Variants in RAB6B observed in about 807,000 individuals in gnomAD.
The protein encoded by RAB6B is RAB6B, member RAS oncogene family.
Under a neutral mutation model 31.2 loss-of-function variants are expected in RAB6B, and 7 were observed. That is an observed-to-expected ratio of 0.22 (90% CI 0.13 to 0.42). The LOEUF is 0.42. Ranked by LOEUF, RAB6B falls within the 10% of genes least tolerant of loss-of-function variation. The pLI is 1.00. For missense variants in RAB6B, 149 were observed against 280.6 expected, an observed-to-expected ratio of 0.53 and a Z score of 3.35; for synonymous variants, 105 against 104.9, an observed-to-expected ratio of 1.00 and a Z score of -0.01.
intron 1 of RAB6B, among the ~76,000 whole-genome samples, chr3:133,867,061 A>C (rs1936247965): frequency 6.6e-6 from 1 of 152,216 alleles, no homozygotes; most frequent in African/African-American, 2.4e-5. Flanking sequence ...GGAGTAGCTG[A>C]AAACTTGGAA....
chr3:133,838,594 G>C (rs1935776821), intron 5 of RAB6B, among the ~76,000 whole-genome samples: 1 of 152,190 alleles, frequency 6.6e-6, no homozygotes, highest in African/African-American at 2.4e-5. Flanking sequence ...ATTCAAGCCA[G>C]GCAGTGCCAC....
At chr3:133,875,042 A>T (rs1477224163) in intron 1 of RAB6B, among the ~76,000 whole-genome samples, 1 of 152,124 alleles carries the variant, frequency 6.6e-6, no homozygotes, top group Non-Finnish European at 1.5e-5. Flanking sequence ...TTCCCTTTTT[A>T]AAAAAAGTGA....
chr3:133,840,353 A>T (rs899195100), intron 4 of RAB6B, among the ~76,000 whole-genome samples: 2 of 152,104 alleles, frequency 1.3e-5, no homozygotes, highest in Non-Finnish European at 2.9e-5. Context: ...ACCCAAGGGG[A>T]GGGGAGGTAG....
chr3:133,868,985 G>A (rs1936279778), intron 1 of RAB6B, among the ~76,000 whole-genome samples: 1 of 152,172 alleles, frequency 6.6e-6, no homozygotes, highest in Non-Finnish European at 1.5e-5. Flanking sequence ...CTGCTGTGCT[G>A]GTTTATGTAA....
chr3:133,876,477 T>C (rs1292312236), intron 1 of RAB6B, among the ~76,000 whole-genome samples: 1 of 152,024 alleles, frequency 6.6e-6, no homozygotes, highest in Non-Finnish European at 1.5e-5. Flanking sequence ...CAACTACAAA[T>C]GCTGAGAGAG....
chr3:133,872,235 G>A (rs184521644), intron 1 of RAB6B, among the ~76,000 whole-genome samples: 20 of 152,362 alleles, frequency 1.3e-4, no homozygotes, highest in East Asian at 1.2e-3. Flanking sequence ...GCAGAGACCC[G>A]CTGACTCAGC....
intron 1 of RAB6B, among the ~76,000 whole-genome samples, chr3:133,883,517 C>T (rs909888904): frequency 3.9e-5 from 6 of 152,180 alleles, no homozygotes; most frequent in African/African-American, 1.4e-4. Flanking sequence ...GCCAACAAGC[C>T]CCCATCTGTG....
chr3:133,862,195 G>T (rs1936169916), intron 2 of RAB6B, among the ~76,000 whole-genome samples: 1 of 151,690 alleles, frequency 6.6e-6, no homozygotes, highest in Non-Finnish European at 1.5e-5. Flanking sequence ...CTCTCCTCTT[G>T]TCACCACACT....
chr3:133,833,775 C>A (rs1935691007), intron 7 of RAB6B, among the ~76,000 whole-genome samples: 1 of 152,152 alleles, frequency 6.6e-6, no homozygotes, highest in African/African-American at 2.4e-5. Flanking sequence ...AGCCAGGGAT[C>A]TGCATGCTTG....
At chr3:133,864,861 C>T in intron 1 of RAB6B, among the ~76,000 whole-genome samples, 1 of 152,230 alleles carries the variant, frequency 6.6e-6, no homozygotes, top group Non-Finnish European at 1.5e-5. Flanking sequence ...TGCCAGGCAC[C>T]AGGGTGCTGC....
chr3:133,885,042 A>G lies in RAB6B; in HGVS notation c.70+10355T>C, dbSNP rs553040412. On this transcript the variant is annotated intron_variant, in intron 1 of 7. Coordinates refer to ENST00000285208, the MANE Select transcript of RAB6B (RefSeq NM_016577.4). Reference sequence around the variant, plus strand: ...TAACCAGAGGATGGGGGGCTCACACACCAATGATCAGAGAATGGGGAACTC... The same window carrying G: ...TAACCAGAGGATGGGGGGCTCACACGCCAATGATCAGAGAATGGGGAACTC... 1.8e-3 allele frequency among the ~76,000 whole-genome samples: 272 copies of G among 149,186 alleles called. 1 individual carries two copies. Among genetic ancestry groups the G allele is most frequent in the African/African-American group, 6.4e-3 (259 of 40,206 alleles).
At chr3:133,869,704 C>G (rs1348936108) in intron 1 of RAB6B, among the ~76,000 whole-genome samples, 1 of 152,166 alleles carries the variant, frequency 6.6e-6, no homozygotes, top group Non-Finnish European at 1.5e-5. Flanking sequence ...ACAGCTTCTG[C>G]CTGGAGTGTG....
chr3:133,891,403 A>G (rs945715057), intron 1 of RAB6B, among the ~76,000 whole-genome samples: 2 of 152,182 alleles, frequency 1.3e-5, no homozygotes, highest in Middle Eastern at 3.2e-3. Flanking sequence ...ACACAGCCCA[A>G]AGATGAAGTA....
rs568386070 is a variant in RAB6B, at chr3:133,839,274, G to A, written c.401+232C>T. 2.5e-3 allele frequency among the ~76,000 whole-genome samples: 374 copies of A among 152,340 alleles called. 1 individual carries two copies. The highest frequency in any genetic ancestry group is 8.8e-3 in the African/African-American group (364 of 41,576). ...ACAGTGCTCTGTGTAGACAGCAAAC[G>A]GAGAAGTGCCCCGCCCCTGCCTGGT... On this transcript the variant is annotated intron_variant, in intron 5 of 7. Coordinates refer to ENST00000285208, the MANE Select transcript of RAB6B (RefSeq NM_016577.4).
At position 133,827,956 on chromosome 3, in the gene RAB6B, G is replaced by GC; in HGVS notation, c.*831dup. 1 of 702,914 alleles carries GC rather than the reference G, an allele frequency of 1.4e-6. No individual in the cohort carries two copies. The highest frequency in any genetic ancestry group is 2.6e-6 in the Non-Finnish European group (1 of 384,984). 43.5% of individuals were successfully genotyped at this position (702,914 alleles called of 1,614,324 possible). The stretch of plus-strand genomic sequence containing the variant: ...CATGGCACCCCAGTCTATAAACCAC[G>GC]CACCACGCAGCTGCAATTGCCAACA... On this transcript the variant is annotated 3_prime_UTR_variant, in exon 8 of 8. Coordinates refer to ENST00000285208, the MANE Select transcript of RAB6B (RefSeq NM_016577.4).
Position 133,839,414 on chromosome 3 carries a change from C to A in RAB6B, c.401+92G>T, listed in dbSNP as rs1031102701. ...CCGGATGCATGGTCAGAAGCACAGACACACCACCCATGCATCCCAGAGCTC... is the reference window on the plus strand; with the variant it reads ...CCGGATGCATGGTCAGAAGCACAGAAACACCACCCATGCATCCCAGAGCTC... On this transcript the variant is annotated intron_variant, in intron 5 of 7. Transcript: ENST00000285208. 3.9e-5 allele frequency: 44 copies of A among 1,119,884 alleles called. No homozygotes were observed. The South Asian group carries it at 5.4e-4, about 14-fold the overall frequency. 69.4% of individuals were successfully genotyped at this position (1,119,884 alleles called of 1,614,324 possible). A position where few individuals can be genotyped will look rare whatever the true frequency, so the allele number is the denominator to read the frequency against.
chr3:133,848,003 C>T (rs553059095), intron 2 of RAB6B, among the ~76,000 whole-genome samples: 1 of 152,284 alleles, frequency 6.6e-6, no homozygotes, highest in African/African-American at 2.4e-5. Flanking sequence ...ATATACTGAT[C>T]AGTTCCCAAT....
chr3:133,830,600 C>A (rs1444714809), intron 7 of RAB6B, among the ~76,000 whole-genome samples: 1 of 152,138 alleles, frequency 6.6e-6, no homozygotes, highest in Non-Finnish European at 1.5e-5. Context: ...TTCCTTGGGC[C>A]AGGGTGCACG....
chr3:133,894,374 C>G (rs527360512), intron 1 of RAB6B: 1 of 152,464 alleles, frequency 6.6e-6, no homozygotes, highest in Non-Finnish European at 1.5e-5. Flanking sequence ...TCTGGGCTTC[C>G]CGCCTCTAGG....
Sources: gnomAD v4.1 joint callset for allele counts (sites outside exome capture counted in the v4.1 genomes callset) on GRCh38, gnomAD v4.1.1 for gene constraint, MANE v1.5 for transcripts, NCBI Gene and HGNC (gene_info 2026-07-23, HGNC 2026-07-21) for gene names.